The following TRIM55 variants were observed in gnomAD, a reference collection of about 807,000 sequenced individuals.
The protein encoded by TRIM55 is tripartite motif-containing protein 55.
A neutral mutation model predicts 60.9 loss-of-function variants in TRIM55; 50 were observed. The observed-to-expected ratio is 0.82, with a 90% CI of 0.65 to 1.04. TRIM55 has a LOEUF of 1.04. Ranked by LOEUF, TRIM55 falls within the 50% of genes least tolerant of loss-of-function variation. TRIM55 has a pLI of 0.00. For missense variants in TRIM55, 681 were observed against 666.9 expected (o/e 1.02, Z -0.23); for synonymous variants, 237 against 238.1 (o/e 1.00, Z 0.04).
Position 66,154,216 on chromosome 8 carries a change from T to C in TRIM55, c.1406T>C (p.Ile469Thr). Residue 469 changes from isoleucine to threonine, a missense_variant, in exon 9 of 10, where the codon ATA becomes ACA. Transcript: ENST00000315962. ...CTPGSEGLGQ[I>T]GPPGSEDSNV... ...CCAGGGAGCGAAGGTCTGGGGCAAA[T>C]AGGGCCTCCAGGTTCTGAGGATTCG... 6.2e-7 allele frequency: 1 copy of C among 1,613,978 alleles called. No individual in the cohort carries two copies. The highest frequency in any genetic ancestry group is 8.5e-7 in the Non-Finnish European group (1 of 1,179,976).
At chr8:66,114,267 C>T in the TRIM55 span, among the ~76,000 whole-genome samples, 1 of 152,148 alleles carries the variant, frequency 6.6e-6, no homozygotes, top group Non-Finnish European at 1.5e-5. Context: ...CTCCAGTTTT[C>T]CTTCCTGTCC....
chr8:66,120,644 C>T, the TRIM55 span, among the ~76,000 whole-genome samples: 1 of 152,180 alleles, frequency 6.6e-6, no homozygotes, highest in Non-Finnish European at 1.5e-5. Flanking sequence ...ACTCTGTGTG[C>T]ATTGTTACAC....
chr8:66,174,568 C>A lies in TRIM55; in HGVS notation c.1622C>A (p.Ser541Tyr), dbSNP rs1199088009. The change falls in exon 10 of 10, where the codon TCC (serine) becomes TAC (tyrosine). Residue 541 changes from serine to tyrosine, a missense_variant. Transcript: ENST00000315962. ...CCAGCTCGCCATATCTTCTCCTTTT[C>A]CTGGTTGAACTCCCTAAATGAATGA... Reference protein sequence around the residue: ...SEPARHIFSFSWLNSLNE With the variant: ...SEPARHIFSFYWLNSLNE 1.2e-6 allele frequency: 2 copies of A among 1,604,450 alleles called. No individual in the cohort carries two copies. Among genetic ancestry groups the A allele is most frequent in the Non-Finnish European group, 1.7e-6 (2 of 1,176,808 alleles).
Position 66,135,002 on chromosome 8 carries a change from A to G in TRIM55, c.354A>G (p.Lys118=). The change falls in exon 3 of 10, where the codon AAA becomes AAG. Residue 118 remains lysine, a synonymous_variant. Transcript: ENST00000315962. ...TACCTCCTCCCAGGCCAGAAAAGAA[A>G]TCCGACCAGCCCATGTGCGAGGAAC... The part of the protein sequence containing the change: ...YKQESTRPEK[K]SDQPMCEEHE... The G allele has an allele frequency of 6.2e-7, 1 of 1,614,116 alleles. No homozygotes were observed. Among genetic ancestry groups the G allele is most frequent in the Non-Finnish European group, 8.5e-7 (1 of 1,179,986 alleles).
intron 9 of TRIM55, among the ~76,000 whole-genome samples, chr8:66,167,448 C>A (rs1225729171): frequency 6.6e-6 from 1 of 152,186 alleles, no homozygotes; most frequent in East Asian, 1.9e-4. Context: ...AGGCTGGCAG[C>A]AAGTTTTTGC....
chr8:66,130,751 C>T (rs914254496), intron 2 of TRIM55, among the ~76,000 whole-genome samples: 2 of 150,802 alleles, frequency 1.3e-5, no homozygotes, highest in African/African-American at 4.9e-5. Flanking sequence ...AGCTCTGCCT[C>T]CCAGGTTCAC....
the TRIM55 span, among the ~76,000 whole-genome samples, chr8:66,114,171 T>G: frequency 4.1e-5 from 6 of 145,924 alleles, no homozygotes; most frequent in African/African-American, 1.3e-4. Flanking sequence ...GAACAGATAA[T>G]AAGCCGTGCC....
chr8:66,153,010 G>T (rs1222332820), intron 8 of TRIM55, among the ~76,000 whole-genome samples: 2 of 151,504 alleles, frequency 1.3e-5, no homozygotes, highest in East Asian at 3.9e-4. Context: ...TCTGCTCTTT[G>T]TTACTTAGTG....
chr8:66,152,331 C>T, intron 7 of TRIM55, 46 bp from the exon 8 acceptor site: 2 of 1,534,512 alleles, frequency 1.3e-6, no homozygotes, highest in Non-Finnish European at 1.7e-6. Flanking sequence ...GTGTCCATGG[C>T]TGCAGAGATA....
intron 4 of TRIM55, among the ~76,000 whole-genome samples, chr8:66,137,701 C>T (rs78884989): frequency 0.013 from 1,896 of 149,890 alleles, 45 homozygotes; most frequent in African/African-American, 0.04. Context: ...AGAGTTTGAG[C>T]TCATTCATCT....
At chr8:66,158,994 A>C (rs1443338371) in intron 9 of TRIM55, among the ~76,000 whole-genome samples, 1 of 152,256 alleles carries the variant, frequency 6.6e-6, no homozygotes, top group Non-Finnish European at 1.5e-5. Context: ...CAGAACAGTC[A>C]GTGGATGAAG....
chr8:66,149,985 C>T lies in TRIM55; in HGVS notation c.837+107C>T, dbSNP rs921373881. 1.4e-5 allele frequency: 14 copies of T among 1,031,830 alleles called. No homozygotes were observed. In the African/African-American group the frequency reaches 2.1e-4, roughly 16 times the overall value. The allele number at this position is 1,031,830 out of a possible 1,614,324, so 63.9% of individuals were successfully genotyped here. On this transcript the variant is annotated intron_variant, in intron 5 of 9. Transcript: ENST00000315962. The stretch of plus-strand genomic sequence containing the variant: ...TACATTTCAGTTTTTATTTATTTTA[C>T]CAACTAAAATATAAACCCCATGTGC...
chr8:66,139,054 T>C (rs1809651227), intron 4 of TRIM55, among the ~76,000 whole-genome samples: 1 of 152,204 alleles, frequency 6.6e-6, no homozygotes, highest in Non-Finnish European at 1.5e-5. Context: ...GGGATCCATT[T>C]ATAGAAGGAA....
intron 4 of TRIM55, among the ~76,000 whole-genome samples, chr8:66,145,635 C>T (rs6472253): frequency 0.051 from 7,817 of 151,860 alleles, 607 homozygotes; most frequent in African/African-American, 0.17. Flanking sequence ...AAAAATCTAC[C>T]TTAAGCATAG....
intron 4 of TRIM55, 136 bp downstream of exon 4, chr8:66,137,326 G>C: frequency 1.6e-6 from 1 of 618,990 alleles, no homozygotes; most frequent in East Asian, 2.9e-5. Flanking sequence ...TTCCTGATAT[G>C]TCTCTGAAAT....
chr8:66,153,985 C>A, intron 8 of TRIM55, 62 bp from the exon 9 acceptor site: 2 of 1,508,592 alleles, frequency 1.3e-6, no homozygotes, highest in Non-Finnish European at 1.8e-6. Context: ...AAATCAACTG[C>A]TTTTTCTTCT....
intron 9 of TRIM55, among the ~76,000 whole-genome samples, chr8:66,165,030 G>A (rs1811250092): frequency 6.6e-6 from 1 of 151,996 alleles, no homozygotes; most frequent in African/African-American, 2.4e-5. Flanking sequence ...GGGAGGAAGG[G>A]GCTAGCAAAG....
intron 4 of TRIM55, among the ~76,000 whole-genome samples, chr8:66,143,579 T>G (rs1043400433): frequency 1.3e-5 from 2 of 151,816 alleles, no homozygotes; most frequent in African/African-American, 2.4e-5. Context: ...TCTTGGTTTT[T>G]GGGTTTTTTT....
intron 9 of TRIM55, among the ~76,000 whole-genome samples, chr8:66,171,285 C>T (rs1056521927): frequency 5.9e-5 from 9 of 151,750 alleles, no homozygotes; most frequent in African/African-American, 1.9e-4. Flanking sequence ...TGTTTTTCCC[C>T]TCTATGTGTT....
Sources: gnomAD v4.1 joint callset for allele counts (sites outside exome capture counted in the v4.1 genomes callset) on GRCh38, gnomAD v4.1.1 for gene constraint, MANE v1.5 for transcripts, NCBI Gene and HGNC (gene_info 2026-07-23, HGNC 2026-07-21) for gene names.